HDX: variants seen among roughly 807,000 people sequenced by gnomAD.
HDX encodes highly divergent homeobox.
HDX carries 19 observed loss-of-function variants against 45.2 expected under a neutral mutation model. The ratio of observed to expected loss-of-function variants is 0.42; its 90% CI spans 0.29 to 0.62. The LOEUF (loss-of-function observed/expected upper bound fraction) is 0.62, where lower values mean the gene tolerates loss of function less well. HDX is among the 20% of genes least tolerant of loss of function. The pLI is 0.20. For missense variants in HDX, 532 were observed against 493.9 expected (o/e 1.08, Z -0.73); for synonymous variants, 188 against 172.8 (o/e 1.09, Z -0.69).
chrX:84,342,689 A>G (rs1335391865), intron 7 of HDX, among the ~76,000 whole-genome samples: 1 of 111,321 alleles, frequency 9.0e-6, no homozygotes, highest in Non-Finnish European at 1.9e-5. Flanking sequence ...TTAAAGCAAA[A>G]TTAATTCTAG....
intron 5 of HDX, among the ~76,000 whole-genome samples, chrX:84,373,773 C>T (rs1291468799): frequency 2.7e-5 from 3 of 111,214 alleles, no homozygotes; most frequent in African/African-American, 6.5e-5. Flanking sequence ...ATAATAAGAG[C>T]TATTTATGAC....
Position 84,352,120 on chromosome X carries a change from C to T in HDX, c.1453-7663G>A, listed in dbSNP as rs192889434. ...TAAATACAAAGCCACCTTAGATACTCTTTGTGTAAATAAAAAACATGAATG... is the reference window on the plus strand; with the variant it reads ...TAAATACAAAGCCACCTTAGATACTTTTTGTGTAAATAAAAAACATGAATG... On this transcript the variant is annotated intron_variant, in intron 6 of 10. Transcript: ENST00000373177. Among the ~76,000 whole-genome samples the T allele has an allele frequency of 1.2e-3, 139 of 112,148 alleles. 1 individual carries two copies. The highest frequency in any genetic ancestry group is 4.1e-3 in the African/African-American group (128 of 30,962).
chrX:84,411,030 T>C (rs1176526530), intron 5 of HDX, among the ~76,000 whole-genome samples: 1 of 111,678 alleles, frequency 9.0e-6, no homozygotes, highest in Non-Finnish European at 1.9e-5. Context: ...GTCATTTCTC[T>C]TTGTGTTTAT....
chrX:84,358,729 A>G (rs1009433872), intron 6 of HDX, among the ~76,000 whole-genome samples: 1 of 111,738 alleles, frequency 8.9e-6, no homozygotes, highest in Non-Finnish European at 1.9e-5. Context: ...TCTTTTCTTC[A>G]TATATATATG....
At chrX:84,417,141 G>A (rs905497182) in intron 5 of HDX, among the ~76,000 whole-genome samples, 28 of 104,699 alleles carry the variant, frequency 2.7e-4, no homozygotes, top group African/African-American at 9.8e-4. Context: ...GTGACAGAGC[G>A]AGACTCCAAA....
At chrX:84,466,669 G>A (rs1201333337) in intron 4 of HDX, among the ~76,000 whole-genome samples, 3 of 112,218 alleles carry the variant, frequency 2.7e-5, no homozygotes, top group African/African-American at 9.7e-5. Flanking sequence ...CCTTTAGGGA[G>A]TGGTGGGTTT....
intron 4 of HDX, among the ~76,000 whole-genome samples, chrX:84,455,495 T>G (rs1402534688): frequency 1.8e-5 from 2 of 111,700 alleles, no homozygotes; most frequent in Non-Finnish European, 1.9e-5. Context: ...TTGGCGAGCT[T>G]GGAGACATGC....
At position 84,344,261 on chromosome X, in the gene HDX, C is replaced by A; in HGVS notation, c.1649G>T (p.Gly550Val). The A allele has an allele frequency of 8.3e-7, 1 of 1,199,231 alleles. No homozygotes were observed. The highest frequency in any genetic ancestry group is 1.1e-6 in the Non-Finnish European group (1 of 884,953). ...NDEVSICLSE[G>V]SSQEEPNEVV... ...AGCATATAAAGTACCTTGAGAGCTT[C>A]CTTCAGACAAACAGATGGATACTTC... is the stretch of plus-strand genomic sequence containing the variant. The change falls in exon 7 of 11, where the codon GGA becomes GTA. Residue 550 changes from glycine to valine, a missense_variant. Coordinates refer to ENST00000373177, the MANE Select transcript of HDX (RefSeq NM_001177479.2).
intron 5 of HDX, among the ~76,000 whole-genome samples, chrX:84,431,380 C>G (rs754982811): frequency 4.5e-5 from 5 of 110,779 alleles, no homozygotes; most frequent in Non-Finnish European, 7.6e-5. Flanking sequence ...AATGAGATTG[C>G]TGAGTCAAAT....
chrX:84,374,280 A>C (rs1458192721), intron 5 of HDX, among the ~76,000 whole-genome samples: 1 of 110,267 alleles, frequency 9.1e-6, no homozygotes, highest in Non-Finnish European at 1.9e-5. Context: ...AAATGGAAGA[A>C]CATTCCATGC....
intron 4 of HDX, among the ~76,000 whole-genome samples, chrX:84,461,312 A>G (rs972139940): frequency 1.8e-5 from 2 of 111,574 alleles, no homozygotes; most frequent in African/African-American, 6.5e-5. Context: ...TGATACTGGC[A>G]TAAGAACATA....
At chrX:84,419,083 A>G (rs2039185235) in intron 5 of HDX, among the ~76,000 whole-genome samples, 1 of 112,084 alleles carries the variant, frequency 8.9e-6, no homozygotes, top group African/African-American at 3.2e-5. Context: ...CCCTGGAAGC[A>G]TTCATTATCT....
intron 5 of HDX, among the ~76,000 whole-genome samples, chrX:84,423,012 T>TA (rs1057255362): frequency 4.6e-5 from 5 of 109,191 alleles, no homozygotes; most frequent in Admixed American, 3.9e-4. Context: ...CTAAGAAATT[T>TA]AAAAAAAAGA....
chrX:84,348,072 T>C (rs2037246772), intron 6 of HDX, among the ~76,000 whole-genome samples: 1 of 111,689 alleles, frequency 9.0e-6, no homozygotes, highest in Non-Finnish European at 1.9e-5. Flanking sequence ...TCCCTTTTTT[T>C]CTCTTTCTGG....
intron 5 of HDX, among the ~76,000 whole-genome samples, chrX:84,394,265 A>G (rs1322800566): frequency 9.0e-6 from 1 of 111,651 alleles, no homozygotes; most frequent in African/African-American, 3.2e-5. Flanking sequence ...AATAGTCCAA[A>G]TTCAAGAATA....
At chrX:84,422,016 A>AAC (rs1491292727) in intron 5 of HDX, among the ~76,000 whole-genome samples, 7 of 93,774 alleles carry the variant, frequency 7.5e-5, no homozygotes, top group African/African-American at 1.8e-4. Flanking sequence ...AGGAACCAAC[A>AAC]AAAAAAAAAA....
At chrX:84,475,558 G>A (rs977166089) in intron 2 of HDX, among the ~76,000 whole-genome samples, 161 bp from the exon 3 acceptor site, 5 of 111,653 alleles carry the variant, frequency 4.5e-5, no homozygotes, top group African/African-American at 9.8e-5. Context: ...GCTAAAGGGA[G>A]ACAGCTTCTC....
chrX:84,418,136 A>G (rs1355230063), intron 5 of HDX, among the ~76,000 whole-genome samples: 2 of 111,973 alleles, frequency 1.8e-5, no homozygotes, highest in African/African-American at 6.5e-5. Context: ...CATAGGGGAA[A>G]ATGAGGCCTG....
chrX:84,458,484 G>A (rs1017903558), intron 4 of HDX, among the ~76,000 whole-genome samples: 7 of 112,050 alleles, frequency 6.2e-5, no homozygotes, highest in Non-Finnish European at 1.3e-4. Flanking sequence ...TTGATCTTCT[G>A]TTGATAGTGA....
Sources: gnomAD v4.1 joint callset for allele counts (sites outside exome capture counted in the v4.1 genomes callset) on GRCh38, gnomAD v4.1.1 for gene constraint, MANE v1.5 for transcripts, NCBI Gene and HGNC (gene_info 2026-07-23, HGNC 2026-07-21) for gene names.